Variants in DAD1 observed in about 807,000 individuals in gnomAD.
DAD1 encodes defender against cell death 1, also known as dolichyl-diphosphooligosaccharide--protein glycosyltransferase subunit DAD1.
Under a neutral mutation model 9.0 loss-of-function variants are expected in DAD1, and 4 were observed. The observed-to-expected ratio is 0.44, with a 90% CI of 0.22 to 1.01. DAD1 has a LOEUF of 1.01. DAD1 is among the 50% of genes least tolerant of loss of function. The pLI, the probability that DAD1 is intolerant of heterozygous loss-of-function variation, is 0.24. For synonymous variants in DAD1, 60 were observed against 62.5 expected, an observed-to-expected ratio of 0.96 and a Z score of 0.19; for missense variants, 119 against 137.3, an observed-to-expected ratio of 0.87 and a Z score of 0.67.
intron 1 of DAD1, among the ~76,000 whole-genome samples, chr14:22,583,511 T>C (rs1158161254): frequency 6.6e-6 from 1 of 152,080 alleles, no homozygotes; most frequent in Non-Finnish European, 1.5e-5. Context: ...AAGGAATGAA[T>C]AGTTAAGGGA....
intron 1 of DAD1, among the ~76,000 whole-genome samples, chr14:22,579,036 A>G (rs2037097660): frequency 6.6e-6 from 1 of 152,220 alleles, no homozygotes; most frequent in African/African-American, 2.4e-5. Flanking sequence ...TGGGTAGCAG[A>G]GTTTATAAAG....
intron 2 of DAD1, among the ~76,000 whole-genome samples, chr14:22,568,936 C>T (rs2037019480): frequency 6.6e-6 from 1 of 152,042 alleles, no homozygotes; most frequent in African/African-American, 2.4e-5. Flanking sequence ...TGGGCTCAAG[C>T]GATCCTCCCA....
At chr14:22,566,554 G>C (rs5742861) in intron 2 of DAD1, among the ~76,000 whole-genome samples, 1 of 151,908 alleles carries the variant, frequency 6.6e-6, no homozygotes, top group Admixed American at 6.6e-5. Flanking sequence ...GGCTGGTCTC[G>C]AACTCCTGAC....
At chr14:22,581,743 CAAAAAAAAAAAA>C (rs59052046) in intron 1 of DAD1, among the ~76,000 whole-genome samples, 12 of 36,734 alleles carry the variant, frequency 3.3e-4, no homozygotes, top group African/African-American at 1.0e-3. Flanking sequence ...AACTCCATCT[CAAAAAAAAAAAA>C]AAAAAAAAAA....
chr14:22,576,201 A>T (rs556910898), intron 1 of DAD1, among the ~76,000 whole-genome samples: 4 of 152,346 alleles, frequency 2.6e-5, no homozygotes, highest in African/African-American at 9.6e-5. Context: ...ATTTAGGGAT[A>T]ATGATTCAGG....
intron 1 of DAD1, among the ~76,000 whole-genome samples, chr14:22,582,475 A>G (rs7143487): frequency 0.092 from 13,741 of 148,872 alleles, 1,135 homozygotes; most frequent in African/African-American, 0.22. Flanking sequence ...AGTGAGCCGA[A>G]ATCGCGCCAC....
intron 1 of DAD1, among the ~76,000 whole-genome samples, chr14:22,584,486 C>T (rs2037139222): frequency 6.6e-6 from 1 of 151,952 alleles, no homozygotes; most frequent in African/African-American, 2.4e-5. Flanking sequence ...GAGGCTGAGG[C>T]AGGACTGCTT....
intron 2 of DAD1, among the ~76,000 whole-genome samples, chr14:22,573,434 A>G (rs892835979): frequency 2.0e-5 from 3 of 152,154 alleles, no homozygotes; most frequent in Non-Finnish European, 2.9e-5. Flanking sequence ...TTGTATTAAA[A>G]TAACAGAACA....
At chr14:22,585,788 T>C (rs532858427) in intron 1 of DAD1, among the ~76,000 whole-genome samples, 9 of 152,112 alleles carry the variant, frequency 5.9e-5, no homozygotes, top group Non-Finnish European at 1.3e-4. Context: ...TATGCTAAAC[T>C]AACACATGCA....
At position 22,567,089 on chromosome 14, in the gene DAD1, G is replaced by A. The variant is rs189658001; in HGVS notation, c.*45-1952C>T. 1.2e-3 allele frequency: 176 copies of A among 152,314 alleles called. 2 individuals carry two copies. Among genetic ancestry groups the A allele is most frequent in the African/African-American group, 3.8e-3 (160 of 41,578 alleles). 9.4% of individuals were successfully genotyped at this position (152,314 alleles called of 1,614,324 possible). ...GACATGCAAAATGAAGACACCTACTGAGAAAAGTTAGCGTGACTTCAGTCT... is the reference window on the plus strand; with the variant it reads ...GACATGCAAAATGAAGACACCTACTAAGAAAAGTTAGCGTGACTTCAGTCT... On this transcript the variant is annotated intron_variant, in intron 2 of 2. Transcript: ENST00000250498.
intron 1 of DAD1, among the ~76,000 whole-genome samples, chr14:22,578,491 C>A (rs1482368377): frequency 6.6e-6 from 1 of 152,064 alleles, no homozygotes; most frequent in Non-Finnish European, 1.5e-5. Flanking sequence ...TGCTTAAACT[C>A]AGGAGGTGGA....
intron 2 of DAD1, among the ~76,000 whole-genome samples, chr14:22,569,761 T>C (rs1426090048): frequency 6.6e-6 from 1 of 152,114 alleles, no homozygotes; most frequent in Non-Finnish European, 1.5e-5. Context: ...TAAAATAGAG[T>C]TCAATAAACA....
intron 1 of DAD1, among the ~76,000 whole-genome samples, chr14:22,588,201 G>A (rs537250727): frequency 2.0e-4 from 31 of 152,280 alleles, no homozygotes; most frequent in African/African-American, 7.0e-4. Flanking sequence ...CATGAATGCT[G>A]GCATGTTTTC....
rs1164585685 is a variant in DAD1 at position 22,570,882 on chromosome 14, C to A, written c.*44+4177G>T. ...TCAAGCAAGGTTTTGTCCCTTTGGG[C>A]CCAGTTCACCCTTCCTTCTGACCCA... is the stretch of plus-strand genomic sequence containing the variant. On this transcript the variant is annotated intron_variant, in intron 2 of 2. Coordinates refer to ENST00000250498, the MANE Select transcript of DAD1 (RefSeq NM_001344.4). Among the ~76,000 whole-genome samples the A allele has an allele frequency of 2.6e-5, 4 of 152,188 alleles. No homozygotes were observed. The South Asian group carries it at 6.2e-4, about 24-fold the overall frequency.
In DAD1 at chr14:22,589,146, C is replaced by T; in HGVS notation, c.12G>A (p.Ser4=). 1 of 1,614,166 alleles carries T rather than the reference C, an allele frequency of 6.2e-7. No individual in the cohort carries two copies. Among genetic ancestry groups the T allele is most frequent in the South Asian group, 1.1e-5 (1 of 91,072 alleles). The change falls in exon 1 of 3, where the codon TCG becomes TCA. Residue 4 remains serine (S), a synonymous_variant. Transcript: ENST00000250498. ...AGAACCGCGAAATGACAGACACTAC[C>T]GACGCCGACATAACTGCACGCAAGG... The part of the protein sequence containing the change: MSA[S]VVSVISRFLE...
chr14:22,567,212 T>C (rs2037007156), intron 2 of DAD1: 2 of 152,248 alleles, frequency 1.3e-5, no homozygotes, highest in African/African-American at 4.8e-5. Flanking sequence ...AAAATGACGC[T>C]GTAGAGATAG....
chr14:22,576,455 A>AT (rs1317875028), intron 1 of DAD1, among the ~76,000 whole-genome samples: 2 of 152,214 alleles, frequency 1.3e-5, no homozygotes, highest in East Asian at 1.9e-4. Context: ...TACTACAAAA[A>AT]TTAACTCGAA....
At chr14:22,573,364 G>A (rs1594880981) in intron 2 of DAD1, among the ~76,000 whole-genome samples, 1 of 152,192 alleles carries the variant, frequency 6.6e-6, no homozygotes, top group African/African-American at 2.4e-5. Flanking sequence ...ACATAGAAGG[G>A]GAGGGAGGAA....
intron 1 of DAD1, among the ~76,000 whole-genome samples, chr14:22,587,987 C>T (rs112520034): frequency 2.6e-5 from 4 of 152,198 alleles, no homozygotes; most frequent in African/African-American, 9.7e-5. Context: ...CTGCCTACCT[C>T]GGCCTCCCAA....
Sources: gnomAD v4.1 joint callset for allele counts (sites outside exome capture counted in the v4.1 genomes callset) on GRCh38, gnomAD v4.1.1 for gene constraint, MANE v1.5 for transcripts, NCBI Gene and HGNC (gene_info 2026-07-23, HGNC 2026-07-21) for gene names.